Variants in SNX29 observed in about 807,000 individuals in gnomAD.
SNX29 encodes sorting nexin-29.
SNX29 carries 78 observed loss-of-function variants against 102.1 expected under a neutral mutation model. The observed-to-expected ratio is 0.76, with a 90% CI of 0.64 to 0.92. The LOEUF is 0.92. Among genes scored for constraint, SNX29 ranks in the 40% least tolerant of loss-of-function variants. SNX29 has a pLI of 0.00. For missense variants in SNX29, 1,280 were observed against 1,061.7 expected (o/e 1.21, Z -2.86); for synonymous variants, 580 against 414.5 (o/e 1.40, Z -4.85).
chr16:12,218,445 G>C lies in SNX29; in HGVS notation c.1678+18762G>C, dbSNP rs830729. Reference sequence around the variant, plus strand: ...CACCTTTTTAAATAAAGTTTTATTGGATCATGGCCATATTCATTCATTATT... The same window carrying C: ...CACCTTTTTAAATAAAGTTTTATTGCATCATGGCCATATTCATTCATTATT... On this transcript the variant is annotated intron_variant, in intron 14 of 20. Coordinates refer to ENST00000566228, the MANE Select transcript of SNX29 (RefSeq NM_032167.5). Among the ~76,000 whole-genome samples, 709 of 152,320 alleles carry C rather than the reference G, an allele frequency of 4.7e-3. 2 individuals carry two copies. Among genetic ancestry groups the C allele is most frequent in the Non-Finnish European group, 7.4e-3 (505 of 68,040 alleles).
At chr16:12,143,027 C>T (rs1384100003) in intron 13 of SNX29, among the ~76,000 whole-genome samples, 9 of 144,494 alleles carry the variant, frequency 6.2e-5, no homozygotes, top group African/African-American at 2.3e-4. Flanking sequence ...GGCAGAGTTT[C>T]GCTCTTGTTG....
intron 14 of SNX29, among the ~76,000 whole-genome samples, chr16:12,259,127 T>C (rs553043900): frequency 5.9e-5 from 9 of 152,292 alleles, no homozygotes; most frequent in African/African-American, 2.2e-4. Flanking sequence ...ATTAAGATTT[T>C]CCGGGAAGTT....
intron 2 of SNX29, among the ~76,000 whole-genome samples, chr16:12,001,266 C>T (rs1398839236): frequency 3.3e-5 from 5 of 152,120 alleles, no homozygotes; most frequent in Non-Finnish European, 2.9e-5. Context: ...TCCGTGCCAT[C>T]ACACCCGGCT....
chr16:12,564,084 A>C (rs4780451), intron 20 of SNX29, among the ~76,000 whole-genome samples: 35,306 of 152,114 alleles, frequency 0.23, 5,371 homozygotes, highest in Middle Eastern at 0.39. Flanking sequence ...GGGAGTTTGT[A>C]ATATCTTTGT....
intron 15 of SNX29, among the ~76,000 whole-genome samples, chr16:12,315,733 G>C (rs189749990): frequency 1.1e-4 from 17 of 152,298 alleles, no homozygotes; most frequent in Admixed American, 5.9e-4. Flanking sequence ...ACAACCGTCT[G>C]TGGTATTTTG....
chr16:12,439,099 C>G (rs2085676751), intron 18 of SNX29, among the ~76,000 whole-genome samples: 1 of 152,234 alleles, frequency 6.6e-6, no homozygotes, highest in Non-Finnish European at 1.5e-5. Flanking sequence ...CCTCCCTCAT[C>G]AGTGAAGCCA....
At chr16:12,565,720 C>A (rs1193353872) in intron 20 of SNX29, among the ~76,000 whole-genome samples, 1 of 152,210 alleles carries the variant, frequency 6.6e-6, no homozygotes. Flanking sequence ...CCGGGTCTGC[C>A]CGGCTACAAG....
chr16:12,202,494 T>C (rs984839275), intron 14 of SNX29, among the ~76,000 whole-genome samples: 7 of 152,214 alleles, frequency 4.6e-5, no homozygotes, highest in African/African-American at 1.7e-4. Flanking sequence ...TTCATGCTCT[T>C]CCTCCAGCAT....
intron 18 of SNX29, among the ~76,000 whole-genome samples, chr16:12,463,411 TG>T (rs1331349450): frequency 6.6e-6 from 1 of 152,150 alleles, no homozygotes; most frequent in Non-Finnish European, 1.5e-5. Flanking sequence ...CTCACAATCA[TG>T]GTTGAAGGCA....
At chr16:12,286,724 C>T (rs980511201) in intron 15 of SNX29, among the ~76,000 whole-genome samples, 1 of 152,064 alleles carries the variant, frequency 6.6e-6, no homozygotes, top group African/African-American at 2.4e-5. Flanking sequence ...CCTCTATGTA[C>T]CCATCACCTG....
At chr16:12,427,274 G>T (rs543820080) in intron 18 of SNX29, among the ~76,000 whole-genome samples, 1 of 151,746 alleles carries the variant, frequency 6.6e-6, no homozygotes, top group South Asian at 2.1e-4. Flanking sequence ...TGTCGTTGCT[G>T]TTGTTTTTTT....
intron 20 of SNX29, among the ~76,000 whole-genome samples, chr16:12,549,192 C>T (rs1395028702): frequency 1.3e-5 from 2 of 152,190 alleles, no homozygotes; most frequent in African/African-American, 4.8e-5. Context: ...AGGGGCTAGG[C>T]ACCCCTCACG....
intron 20 of SNX29, among the ~76,000 whole-genome samples, chr16:12,545,263 C>G (rs894998210): frequency 4.6e-5 from 7 of 152,202 alleles, no homozygotes; most frequent in Non-Finnish European, 7.4e-5. Context: ...CCAAAGAGTA[C>G]TGTTGAGAAA....
rs184632596 is a variant in SNX29 at position 12,200,661 on chromosome 16, T to G, written c.1678+978T>G. Among the ~76,000 whole-genome samples, 258 of 152,216 alleles carry G rather than the reference T, an allele frequency of 1.7e-3. 1 individual carries two copies. Among genetic ancestry groups the G allele is most frequent in the African/African-American group, 6.0e-3 (248 of 41,542 alleles). On this transcript the variant is annotated intron_variant, in intron 14 of 20. Coordinates refer to ENST00000566228, the MANE Select transcript of SNX29 (RefSeq NM_032167.5). ...CCATGCCCAGCTAATTTTTGTATTTTTAGTAGAGATGGGGGATTTCACCAT... is the reference window on the plus strand; with the variant it reads ...CCATGCCCAGCTAATTTTTGTATTTGTAGTAGAGATGGGGGATTTCACCAT...
At chr16:12,464,451 A>T (rs551030001) in intron 18 of SNX29, among the ~76,000 whole-genome samples, 1 of 151,884 alleles carries the variant, frequency 6.6e-6, no homozygotes, top group South Asian at 2.1e-4. Context: ...GTTTCATTTT[A>T]TTTTTCAGTT....
At chr16:12,556,844 G>T (rs2078384502) in intron 20 of SNX29, among the ~76,000 whole-genome samples, 1 of 151,992 alleles carries the variant, frequency 6.6e-6, no homozygotes, top group African/African-American at 2.4e-5. Context: ...AAGTTTGATG[G>T]TGGAAAAAAT....
At chr16:12,560,694 A>G (rs1225114496) in intron 20 of SNX29, 2 of 160,628 alleles carry the variant, frequency 1.2e-5, no homozygotes, top group African/African-American at 4.8e-5. Flanking sequence ...ATATCTAGTC[A>G]TCGACTCTGG....
At chr16:12,522,270 A>C (rs933207765) in intron 19 of SNX29, among the ~76,000 whole-genome samples, 2 of 152,208 alleles carry the variant, frequency 1.3e-5, no homozygotes, top group African/African-American at 4.8e-5. Flanking sequence ...TGTTTATTTG[A>C]AGTTCAAATT....
intron 8 of SNX29, among the ~76,000 whole-genome samples, chr16:12,061,018 G>A (rs3894905): frequency 0.19 from 28,632 of 152,066 alleles, 3,358 homozygotes; most frequent in South Asian, 0.35. Context: ...ATTTCGGAAC[G>A]TGGAGCAGAT....
Sources: allele counts gnomAD v4.1 joint callset (sites outside exome capture counted in the v4.1 genomes callset), GRCh38; gene constraint gnomAD v4.1.1; transcripts MANE v1.5; gene names NCBI Gene and HGNC (gene_info 2026-07-23, HGNC 2026-07-21).